The following ANKRD28 variants were observed in gnomAD, a reference collection of about 807,000 sequenced individuals.
ANKRD28 encodes serine/threonine-protein phosphatase 6 regulatory ankyrin repeat subunit A.
Under a neutral mutation model 126.5 loss-of-function variants are expected in ANKRD28, and 44 were observed. The ratio of observed to expected loss-of-function variants is 0.35; its 90% CI spans 0.27 to 0.45. The LOEUF is 0.45. Ranked by LOEUF, ANKRD28 falls within the 20% of genes least tolerant of loss-of-function variation. The pLI is 1.00. For synonymous variants in ANKRD28, 442 were observed against 468.5 expected, an observed-to-expected ratio of 0.94 and a Z score of 0.73; for missense variants, 1,110 against 1,316.6, an observed-to-expected ratio of 0.84 and a Z score of 2.43.
rs149791780 is a variant in ANKRD28, at chr3:15,810,829, G to A, written c.28-15523C>T. ...TTACATGACAAAGTTCACATTCTAA[G>A]AGTTAAGACCACAACTTGAACACTG... On this transcript the variant is annotated intron_variant, in intron 1 of 27. Transcript: ENST00000399451. 2.7e-3 allele frequency among the ~76,000 whole-genome samples: 406 copies of A among 151,812 alleles called. 1 individual carries two copies. The highest frequency in any genetic ancestry group is 9.5e-3 in the African/African-American group (392 of 41,382).
intron 3 of ANKRD28, among the ~76,000 whole-genome samples, chr3:15,765,426 G>A (rs1156873767): frequency 6.6e-6 from 1 of 152,054 alleles, no homozygotes; most frequent in Non-Finnish European, 1.5e-5. Context: ...TCTACTATCA[G>A]ACTATTTCTT....
chr3:15,815,774 TTC>T lies in ANKRD28; in HGVS notation c.28-20470_28-20469del, dbSNP rs1222053549. Among the ~76,000 whole-genome samples, 1 of 152,220 alleles carries T rather than the reference TTC, an allele frequency of 6.6e-6. No individual in the cohort carries two copies. Among genetic ancestry groups the T allele is most frequent in the African/African-American group, 2.4e-5 (1 of 41,458 alleles). On this transcript the variant is annotated intron_variant, in intron 1 of 27. Coordinates refer to the ANKRD28 transcript ENST00000399451. The surrounding 1 kb of genome is among the most constrained non-coding windows in gnomAD (Gnocchi z 4.1). ...TCTAAACATAAAAATCTGTTATTTC[TTC>T]CCTTGTCAAAATTATTTATGAACAA...
At chr3:15,746,954 A>G (rs975033951) in intron 4 of ANKRD28, among the ~76,000 whole-genome samples, 2 of 152,128 alleles carry the variant, frequency 1.3e-5, no homozygotes, top group Non-Finnish European at 1.5e-5. Context: ...GAGTTTATCC[A>G]TCTCCTCTAG....
chr3:15,812,868 A>G lies in ANKRD28; in HGVS notation c.28-17562T>C, dbSNP rs2060745452. Among the ~76,000 whole-genome samples, 1 of 152,142 alleles carries G rather than the reference A, an allele frequency of 6.6e-6. No individual in the cohort carries two copies. The highest frequency in any genetic ancestry group is 1.5e-5 in the Non-Finnish European group (1 of 68,008). On this transcript the variant is annotated intron_variant, in intron 1 of 27. Transcript: ENST00000399451. The surrounding 1 kb of genome is among the most constrained non-coding windows in gnomAD (Gnocchi z 4.1). Reference sequence around the variant, plus strand: ...GCCAGGTAAAGATTCACAATCAGAGATTTCATAAAGAATTCAGAATTTCTA... The same window carrying G: ...GCCAGGTAAAGATTCACAATCAGAGGTTTCATAAAGAATTCAGAATTTCTA...
In ANKRD28 at chr3:15,833,014, A is replaced by G. The variant is rs1002427158; in HGVS notation, c.27+26363T>C. ...TTGAGAAATCTCCATACTATTTTCCATAAGGATTTTACTAACTTACATTCC... is the reference window on the plus strand; with the variant it reads ...TTGAGAAATCTCCATACTATTTTCCGTAAGGATTTTACTAACTTACATTCC... On this transcript the variant is annotated intron_variant, in intron 1 of 27. Transcript: ENST00000399451. The surrounding 1 kb of genome is among the most constrained non-coding windows in gnomAD (Gnocchi z 4.4). Among the ~76,000 whole-genome samples the G allele has an allele frequency of 6.6e-6, 1 of 152,190 alleles. No individual in the cohort carries two copies. Among genetic ancestry groups the G allele is most frequent in the Non-Finnish European group, 1.5e-5 (1 of 68,046 alleles).
intron 1 of ANKRD28, among the ~76,000 whole-genome samples, chr3:15,852,246 T>C (rs1021354211): frequency 5.9e-5 from 9 of 152,342 alleles, no homozygotes; most frequent in South Asian, 4.1e-4. Context: ...CTTTTTAATA[T>C]AGAAATTGTT....
rs545610916 is a variant in ANKRD28 at position 15,812,251 on chromosome 3, C to T, written c.28-16945G>A. ...TCATAGAGCTGGGCACAGCGGTGTA[C>T]ACCTGTAGTCCCAGCTACTTGGGAG... is the stretch of plus-strand genomic sequence containing the variant. On this transcript the variant is annotated intron_variant, in intron 1 of 27. Coordinates refer to the ANKRD28 transcript ENST00000399451. This position sits in a 1 kb window ranked among gnomAD's most constrained non-coding sequence, Gnocchi z 4.1. 6.6e-6 allele frequency among the ~76,000 whole-genome samples: 1 copy of T among 152,304 alleles called. No homozygotes were observed. The highest frequency in any genetic ancestry group is 1.5e-5 in the Non-Finnish European group (1 of 68,024).
At position 15,853,521 on chromosome 3, in the gene ANKRD28, G is replaced by C. The variant is rs2061697487; in HGVS notation, c.27+5856C>G. Among the ~76,000 whole-genome samples, 1 of 152,060 alleles carries C rather than the reference G, an allele frequency of 6.6e-6. No homozygotes were observed. Among genetic ancestry groups the C allele is most frequent in the Admixed American group, 6.6e-5 (1 of 15,264 alleles). ...GTCTCATTCTGTCGCCCAGGCTGGA[G>C]TGCAGTAGTACGATTCTGGCTCACT... On this transcript the variant is annotated intron_variant, in intron 1 of 27. Transcript: ENST00000399451. The surrounding 1 kb of genome is among the most constrained non-coding windows in gnomAD (Gnocchi z 4.2).
At chr3:15,825,469 AG>A (rs1256900773) in intron 1 of ANKRD28, among the ~76,000 whole-genome samples, 1 of 152,140 alleles carries the variant, frequency 6.6e-6, no homozygotes, top group African/African-American at 2.4e-5. Context: ...GCGGTGGGGG[AG>A]GAAGGCTGAA....
chr3:15,851,703 A>C (rs955019914), intron 1 of ANKRD28, among the ~76,000 whole-genome samples: 3 of 152,208 alleles, frequency 2.0e-5, no homozygotes, highest in Non-Finnish European at 4.4e-5. Flanking sequence ...GGAATGAAAA[A>C]TGGTGCAGCC....
chr3:15,724,372 A>G lies in ANKRD28; in HGVS notation c.783+10T>C, dbSNP rs1356844538. 1.3e-6 allele frequency: 2 copies of G among 1,596,714 alleles called. No homozygotes were observed. Among genetic ancestry groups the G allele is most frequent in the Admixed American group, 3.5e-5 (2 of 57,212 alleles). ...TCCATAATTTTATACTGTTCAATTA[A>G]TATACCTACATCAACTCCAAGATCT... On this transcript the variant is annotated intron_variant, in intron 7 of 27. Coordinates refer to ENST00000683139, the MANE Select transcript of ANKRD28 (RefSeq NM_001349278.2).
Position 15,797,558 on chromosome 3 carries a change from TAAAA to T in ANKRD28, c.-1041_-1038del, listed in dbSNP as rs545968418. ...ACTGCTTCAGGCTTTTTGTTTTCTTTAAAAAAAAAAAGGGGGGGGAAAAACATAG... is the reference window on the plus strand; with the variant it reads ...ACTGCTTCAGGCTTTTTGTTTTCTTTAAAAAAAGGGGGGGGAAAAACATAG... On this transcript the variant is annotated 5_prime_UTR_variant, in exon 1 of 28. It removes the in-frame stop codon of an upstream open reading frame in the 5' UTR. Coordinates refer to ENST00000683139, the MANE Select transcript of ANKRD28 (RefSeq NM_001349278.2). 1.9e-6 allele frequency: 1 copy of T among 534,568 alleles called. No individual in the cohort carries two copies. Among genetic ancestry groups the T allele is most frequent in the African/African-American group, 2.1e-5 (1 of 47,836 alleles). The allele number at this position is 534,568 out of a possible 1,614,324, so 33.1% of individuals were successfully genotyped here.
Position 15,796,435 on chromosome 3 carries a change from G to C in ANKRD28, c.87C>G (p.Ser29=). Residue 29 remains serine, a synonymous_variant, in exon 1 of 28, where the codon TCC becomes TCG. Transcript: ENST00000683139. ...FISKLPQENK[S]LHSPPSGNVL... is the part of the protein sequence containing the mutation. Reference sequence around the variant, plus strand: ...CATTTCCAGAAGGTGGAGAATGTAGGGATTTATTTTCCTGTGGCAATTTAG... The same window carrying C: ...CATTTCCAGAAGGTGGAGAATGTAGCGATTTATTTTCCTGTGGCAATTTAG... 1.6e-6 allele frequency: 2 copies of C among 1,287,636 alleles called. No individual in the cohort carries two copies. The highest frequency in any genetic ancestry group is 2.0e-6 in the Non-Finnish European group (2 of 987,520). The allele number at this position is 1,287,636 out of a possible 1,614,324, so 79.8% of individuals were successfully genotyped here.
intron 6 of ANKRD28, 49 bp from the exon 7 acceptor site, chr3:15,724,573 T>C: frequency 6.7e-7 from 1 of 1,481,580 alleles, no homozygotes; most frequent in South Asian, 1.3e-5. Context: ...ATATGAAAAC[T>C]ATTAAATATA....
chr3:15,769,865 T>C (rs1277845101), intron 2 of ANKRD28, among the ~76,000 whole-genome samples: 1 of 152,096 alleles, frequency 6.6e-6, no homozygotes, highest in Non-Finnish European at 1.5e-5. Context: ...AGTAAAAACC[T>C]TAGGGGTTTT....
At chr3:15,684,509 T>G (rs532033572) in intron 21 of ANKRD28, 1 of 152,206 alleles carries the variant, frequency 6.6e-6, no homozygotes, top group Admixed American at 6.5e-5. Flanking sequence ...AAAACATACA[T>G]AGATTTCAGT....
At chr3:15,769,060 C>G (rs898149849) in intron 2 of ANKRD28, among the ~76,000 whole-genome samples, 2 of 152,162 alleles carry the variant, frequency 1.3e-5, no homozygotes, top group African/African-American at 4.8e-5. Context: ...ACACAGCAAA[C>G]TTCCTAGAGT....
chr3:15,789,662 A>G (rs1014495248), intron 2 of ANKRD28, among the ~76,000 whole-genome samples: 1 of 152,072 alleles, frequency 6.6e-6, no homozygotes, highest in African/African-American at 2.4e-5. Flanking sequence ...ACCTCTATTT[A>G]TTCAGGTAGT....
In ANKRD28 at chr3:15,816,100, A is replaced by G. The variant is rs2060826558; in HGVS notation, c.28-20794T>C. ...GACTGATTGAAAACCGCCTTCTGTT[A>G]CTATGGCATTTACCAAATCAAACTG... is the stretch of plus-strand genomic sequence containing the variant. On this transcript the variant is annotated intron_variant, in intron 1 of 27. Coordinates refer to the ANKRD28 transcript ENST00000399451. This position sits in a 1 kb window ranked among gnomAD's most constrained non-coding sequence, Gnocchi z 5.0. 6.6e-6 allele frequency among the ~76,000 whole-genome samples: 1 copy of G among 152,238 alleles called. No individual in the cohort carries two copies. Among genetic ancestry groups the G allele is most frequent in the Non-Finnish European group, 1.5e-5 (1 of 68,046 alleles).
Sources: gnomAD v4.1 joint callset for allele counts (sites outside exome capture counted in the v4.1 genomes callset) on GRCh38, gnomAD v4.1.1 for gene constraint, Gnocchi (gnomAD v3.1) non-coding constraint, MANE v1.5 for transcripts, NCBI Gene and HGNC (gene_info 2026-07-23, HGNC 2026-07-21) for gene names.